The following SFMBT2 variants were observed in gnomAD, a reference collection of about 807,000 sequenced individuals.
SFMBT2 encodes the protein scm-like with four MBT domains protein 2.
SFMBT2 carries 38 observed loss-of-function variants against 110.1 expected under a neutral mutation model. The observed-to-expected ratio is 0.35, with a 90% CI of 0.27 to 0.45. The LOEUF (loss-of-function observed/expected upper bound fraction) is 0.45. SFMBT2 is among the 20% of genes least tolerant of loss of function. The pLI is 1.00. For missense variants in SFMBT2, 1,011 were observed against 1,094.9 expected, an observed-to-expected ratio of 0.92 and a Z score of 1.08; for synonymous variants, 425 against 425.4, an observed-to-expected ratio of 1.00 and a Z score of 0.01.
intron 7 of SFMBT2, among the ~76,000 whole-genome samples, chr10:7,262,473 C>G (rs1224846201): frequency 2.0e-5 from 3 of 152,168 alleles, no homozygotes; most frequent in Non-Finnish European, 2.9e-5. Context: ...ATCCCATACA[C>G]CAATTACGCT....
chr10:7,366,564 C>A (rs527702467), intron 4 of SFMBT2, among the ~76,000 whole-genome samples: 19 of 152,256 alleles, frequency 1.2e-4, no homozygotes, highest in African/African-American at 4.3e-4. Context: ...TGAAAACAGG[C>A]AGCTAGCTAC....
chr10:7,216,949 C>T (rs1206544578), intron 11 of SFMBT2, among the ~76,000 whole-genome samples: 4 of 152,242 alleles, frequency 2.6e-5, no homozygotes, highest in Admixed American at 1.3e-4. Context: ...AAGCCACCTA[C>T]AATTTAATAT....
chr10:7,405,834 C>CACT (rs1846196318), intron 1 of SFMBT2, among the ~76,000 whole-genome samples: 7 of 132,424 alleles, frequency 5.3e-5, no homozygotes, highest in Non-Finnish European at 1.1e-4. Flanking sequence ...CCCCCCCGAC[C>CACT]CCCGCTCTCT....
At chr10:7,244,858 C>T (rs1352129293) in intron 8 of SFMBT2, among the ~76,000 whole-genome samples, 1 of 152,260 alleles carries the variant, frequency 6.6e-6, no homozygotes, top group Non-Finnish European at 1.5e-5. Context: ...TGAAGGTTTG[C>T]CTGTGAAAGT....
intron 4 of SFMBT2, among the ~76,000 whole-genome samples, chr10:7,300,938 C>T (rs1280102930): frequency 6.6e-6 from 1 of 152,164 alleles, no homozygotes; most frequent in African/African-American, 2.4e-5. Flanking sequence ...AACACACAGG[C>T]TGACTGTTTT....
At chr10:7,322,498 C>T (rs1417538252) in intron 4 of SFMBT2, among the ~76,000 whole-genome samples, 2 of 152,098 alleles carry the variant, frequency 1.3e-5, no homozygotes, top group African/African-American at 4.8e-5. Context: ...AATGACTGCC[C>T]TATATACAGG....
At chr10:7,328,993 T>A (rs1178820902) in intron 4 of SFMBT2, among the ~76,000 whole-genome samples, 1 of 152,174 alleles carries the variant, frequency 6.6e-6, no homozygotes, top group Non-Finnish European at 1.5e-5. Context: ...TTGCCTTACT[T>A]CTCCCCTAAA....
At chr10:7,314,971 A>G (rs1842946322) in intron 4 of SFMBT2, among the ~76,000 whole-genome samples, 1 of 150,648 alleles carries the variant, frequency 6.6e-6, no homozygotes, top group South Asian at 2.1e-4. Context: ...AGAGAGAGAG[A>G]GAGAGGGAGA....
chr10:7,210,916 A>AT (rs2131625266), intron 11 of SFMBT2, among the ~76,000 whole-genome samples: 1 of 145,956 alleles, frequency 6.9e-6, no homozygotes, highest in African/African-American at 2.5e-5. Context: ...TTAGACGAGT[A>AT]TGGGGGGGGT....
Position 7,400,591 on chromosome 10 carries a change from G to A in SFMBT2, c.-52+10270C>T, listed in dbSNP as rs183746756. The stretch of plus-strand genomic sequence containing the variant: ...AAAGGCAGGGGGCACAGGCTTGGCA[G>A]GGATTAGCTCCTCCAGGCCGTCAGG... On this transcript the variant is annotated intron_variant, in intron 1 of 20. Coordinates refer to ENST00000397167, the MANE Select transcript of SFMBT2 (RefSeq NM_001387889.1). Among the ~76,000 whole-genome samples the A allele has an allele frequency of 7.7e-3, 1,178 of 152,300 alleles. 16 individuals carry two copies. Among genetic ancestry groups the A allele is most frequent in the African/African-American group, 0.026 (1,090 of 41,564 alleles).
At chr10:7,320,033 A>G (rs1843135819) in intron 4 of SFMBT2, among the ~76,000 whole-genome samples, 1 of 151,814 alleles carries the variant, frequency 6.6e-6, no homozygotes, top group Non-Finnish European at 1.5e-5. Context: ...AGAAAGAGAA[A>G]GAGAGAGACA....
At chr10:7,211,414 T>C (rs1032754266) in intron 11 of SFMBT2, among the ~76,000 whole-genome samples, 1 of 152,148 alleles carries the variant, frequency 6.6e-6, no homozygotes, top group South Asian at 2.1e-4. Context: ...TGAACTTTGC[T>C]ATGGTTCCTG....
chr10:7,386,002 AC>A (rs1228315839), intron 1 of SFMBT2, among the ~76,000 whole-genome samples: 3 of 151,994 alleles, frequency 2.0e-5, no homozygotes, highest in Non-Finnish European at 4.4e-5. Flanking sequence ...TCTCAAAAAA[AC>A]ATAACAAAAA....
At position 7,285,853 on chromosome 10, in the gene SFMBT2, C is replaced by T; in HGVS notation, c.525+13G>A. On this transcript the variant is annotated intron_variant, in intron 5 of 20. Coordinates refer to ENST00000397167, the MANE Select transcript of SFMBT2 (RefSeq NM_001387889.1). The stretch of plus-strand genomic sequence containing the variant: ...CTTCAGAGATACATTAGATGTATAA[C>T]AACAATACATACACCTTCCAGGAGG... The T allele has an allele frequency of 1.1e-6, 1 of 871,498 alleles. No individual in the cohort carries two copies. Among genetic ancestry groups the T allele is most frequent in the Non-Finnish European group, 2.0e-6 (1 of 500,518 alleles). The allele number at this position is 871,498 out of a possible 1,614,324, so 54.0% of individuals were successfully genotyped here. A position where few individuals can be genotyped will look rare whatever the true frequency, so the allele number is the denominator to read the frequency against.
In SFMBT2 at chr10:7,281,439, T is replaced by C. The variant is rs1056131256; in HGVS notation, c.772+2465A>G. On this transcript the variant is annotated intron_variant, in intron 6 of 20. Transcript: ENST00000397167. Reference sequence around the variant, plus strand: ...GTCATGGAAGCAGAACACTTTCCAGTGCCTTCATAGTGTTTGGGAAAACGA... The same window carrying C: ...GTCATGGAAGCAGAACACTTTCCAGCGCCTTCATAGTGTTTGGGAAAACGA... Among the ~76,000 whole-genome samples the C allele has an allele frequency of 2.6e-5, 4 of 152,190 alleles. 1 individual carries two copies. In the South Asian group the frequency reaches 8.3e-4, roughly 31 times the overall value.
At chr10:7,253,825 CAAAAA>C (rs3065776) in intron 7 of SFMBT2, among the ~76,000 whole-genome samples, 43 of 134,054 alleles carry the variant, frequency 3.2e-4, no homozygotes, top group Non-Finnish European at 5.2e-4. Context: ...AATCAACAAC[CAAAAA>C]AAAAAAAAAA....
At chr10:7,357,815 A>G (rs569129972) in intron 4 of SFMBT2, among the ~76,000 whole-genome samples, 12 of 152,374 alleles carry the variant, frequency 7.9e-5, no homozygotes, top group African/African-American at 2.4e-4. Context: ...GCCAGGCTCA[A>G]AAAGGCAGAC....
intron 4 of SFMBT2, among the ~76,000 whole-genome samples, chr10:7,341,040 C>T (rs965783077): frequency 2.6e-5 from 4 of 152,156 alleles, no homozygotes; most frequent in Non-Finnish European, 4.4e-5. Flanking sequence ...ATCTTTTCTG[C>T]AGCGTGAAAT....
chr10:7,380,863 A>G (rs1845400041), intron 2 of SFMBT2, among the ~76,000 whole-genome samples: 1 of 152,138 alleles, frequency 6.6e-6, no homozygotes, highest in Non-Finnish European at 1.5e-5. Context: ...AAGCCTGGAC[A>G]ACACAGTGAG....
Sources: allele counts gnomAD v4.1 joint callset (sites outside exome capture counted in the v4.1 genomes callset), GRCh38; gene constraint gnomAD v4.1.1; transcripts MANE v1.5; gene names NCBI Gene and HGNC (gene_info 2026-07-23, HGNC 2026-07-21).